Variants in ESR1 observed in about 807,000 individuals in gnomAD.
ESR1 encodes estrogen receptor 1, also known as estrogen receptor.
Under a neutral mutation model 52.7 loss-of-function variants are expected in ESR1, and 12 were observed. The observed-to-expected ratio is 0.23, with a 90% confidence interval of 0.15 to 0.37. The LOEUF (loss-of-function observed/expected upper bound fraction) is 0.37, where lower values mean the gene tolerates loss of function less well. ESR1 is among the 10% of genes least tolerant of loss of function. ESR1 has a pLI of 1.00. For missense variants in ESR1, 584 were observed against 779.7 expected, an observed-to-expected ratio of 0.75 and a Z score of 2.99; for synonymous variants, 305 against 316.8, an observed-to-expected ratio of 0.96 and a Z score of 0.39.
rs1462213872 is a variant in ESR1, at chr6:152,094,194, TCTGAGA to T, written c.1370-188_1370-183del. On this transcript the variant is annotated intron_variant, in intron 6 of 7. Transcript: ENST00000206249. This position sits in a 1 kb window ranked among gnomAD's most constrained non-coding sequence, Gnocchi z 4.6. ...GGAGCCCTCCTTGGTTTGCTGGTGC[TCTGAGA>T]CTTGCAAATGCATTAGGAATTTTAC... Among the ~76,000 whole-genome samples, 2 of 152,204 alleles carry T rather than the reference TCTGAGA, an allele frequency of 1.3e-5. No homozygotes were observed. The highest frequency in any genetic ancestry group is 4.8e-5 in the African/African-American group (2 of 41,454).
At chr6:152,030,916 A>G (rs1385801645) in intron 5 of ESR1, among the ~76,000 whole-genome samples, 2 of 152,230 alleles carry the variant, frequency 1.3e-5, no homozygotes, top group Non-Finnish European at 2.9e-5. Context: ...AATGTAAAAG[A>G]ACAGAAATTA....
rs1244572461 is a variant in ESR1, at chr6:151,807,876, G to A, written c.-37G>A. ...CCGGTTTCTGAGCCTTCTGCCCTGC[G>A]GGGACACGGTCTGCACCCTGCCCGC... is the stretch of plus-strand genomic sequence containing the variant. On this transcript the variant is annotated 5_prime_UTR_variant, in exon 1 of 8. Transcript: ENST00000206249. 2 of 1,587,988 alleles carry A rather than the reference G, an allele frequency of 1.3e-6. No individual in the cohort carries two copies. Among genetic ancestry groups the A allele is most frequent in the Admixed American group, 1.7e-5 (1 of 59,744 alleles).
At chr6:151,745,330 C>T (rs780726440) in intron 2 of ESR1, among the ~76,000 whole-genome samples, 9 of 152,064 alleles carry the variant, frequency 5.9e-5, no homozygotes, top group Non-Finnish European at 8.8e-5. Flanking sequence ...CATGGTATGG[C>T]TTTGGTTGCT....
At chr6:151,804,771 G>T (rs1210329988), upstream of ESR1, 1 of 152,188 alleles carries the variant, frequency 6.6e-6, no homozygotes, top group East Asian at 1.9e-4. Context: ...TATCCAAGGT[G>T]GTGACTAATG....
chr6:152,094,522 C>T lies in ESR1; in HGVS notation c.1507C>T (p.Arg503Trp), dbSNP rs1462811215. 1 of 1,614,136 alleles carries T rather than the reference C, an allele frequency of 6.2e-7. No individual in the cohort carries two copies. The highest frequency in any genetic ancestry group is 1.7e-5 in the Admixed American group (1 of 60,018). Residue 503 changes from arginine (R) to tryptophan (W), a missense_variant, in exon 7 of 8, where the codon CGG (arginine) becomes TGG (tryptophan). Physicochemically the swap from Arg to Trp is moderately radical, Grantham distance 101. This residue lies in a region of ESR1 where 141 missense variants were observed against 289.3 expected (regional missense o/e 0.49). Coordinates refer to ENST00000206249, the MANE Select transcript of ESR1 (RefSeq NM_000125.4). The surrounding 1 kb of genome is among the most constrained non-coding windows in gnomAD (Gnocchi z 4.6). ...CCTGACCCTGCAGCAGCAGCACCAG[C>T]GGCTGGCCCAGCTCCTCCTCATCCT... ...AGLTLQQQHQ[R>W]LAQLLLILSH...
chr6:152,089,808 A>C (rs1472754314), intron 6 of ESR1, among the ~76,000 whole-genome samples: 1 of 152,182 alleles, frequency 6.6e-6, no homozygotes, highest in Non-Finnish European at 1.5e-5. Context: ...TGAACTCCTC[A>C]TCTCAAGTGT....
At chr6:151,723,381 A>G (rs1429900089) in intron 2 of ESR1, among the ~76,000 whole-genome samples, 1 of 152,220 alleles carries the variant, frequency 6.6e-6, no homozygotes, top group Non-Finnish European at 1.5e-5. Context: ...CGTGGGTGAT[A>G]CAAGACTTGC....
At chr6:152,047,678 CTGATTT>C (rs2046331444) in intron 5 of ESR1, among the ~76,000 whole-genome samples, 1 of 152,174 alleles carries the variant, frequency 6.6e-6, no homozygotes, top group Non-Finnish European at 1.5e-5. Flanking sequence ...CCTGAAAGCC[CTGATTT>C]GGCCCCTAAG....
intron 3 of ESR1, among the ~76,000 whole-genome samples, chr6:151,940,217 A>G (rs927422000): frequency 5.9e-5 from 9 of 152,152 alleles, no homozygotes; most frequent in African/African-American, 1.4e-4. Flanking sequence ...CTTATTTACT[A>G]TCATGAGAAC....
chr6:152,096,558 G>A (rs1343252692), intron 7 of ESR1: 1 of 444,808 alleles, frequency 2.2e-6, no homozygotes, highest in Non-Finnish European at 4.6e-6. Context: ...AAAGAAATGA[G>A]GGAATGAATG....
At chr6:151,810,127 C>T (rs1303779083) in intron 1 of ESR1, among the ~76,000 whole-genome samples, 1 of 152,104 alleles carries the variant, frequency 6.6e-6, no homozygotes, top group African/African-American at 2.4e-5. Flanking sequence ...CAAAGTGAAC[C>T]TGGTCAAATA....
intron 5 of ESR1, among the ~76,000 whole-genome samples, chr6:152,051,765 A>T (rs1027417081): frequency 3.3e-5 from 5 of 152,184 alleles, no homozygotes; most frequent in Admixed American, 3.3e-4. Flanking sequence ...CTACCATAGC[A>T]TATTAAAATA....
intron 3 of ESR1, among the ~76,000 whole-genome samples, chr6:151,890,332 C>A (rs930830344): frequency 2.6e-5 from 4 of 152,094 alleles, no homozygotes; most frequent in Non-Finnish European, 5.9e-5. Flanking sequence ...AATGATCTGC[C>A]CACCTTAGCC....
intron 5 of ESR1, among the ~76,000 whole-genome samples, chr6:152,017,351 C>T (rs1389955737): frequency 6.6e-6 from 1 of 152,148 alleles, no homozygotes; most frequent in Non-Finnish European, 1.5e-5. Context: ...TCCAGTTCTT[C>T]TCTGTATCCT....
intron 6 of ESR1, among the ~76,000 whole-genome samples, chr6:152,082,820 T>C (rs2049343742): frequency 6.6e-6 from 1 of 151,902 alleles, no homozygotes; most frequent in Admixed American, 6.6e-5. Context: ...ACACCAATAA[T>C]AGACAAACAG....
chr6:151,871,074 C>A (rs1790862110), intron 2 of ESR1, among the ~76,000 whole-genome samples: 1 of 151,812 alleles, frequency 6.6e-6, no homozygotes, highest in African/African-American at 2.4e-5. Flanking sequence ...TGGTCTCAAA[C>A]TCCTGGATTC....
intron 5 of ESR1, among the ~76,000 whole-genome samples, chr6:152,024,522 T>C (rs1449960162): frequency 6.6e-6 from 1 of 151,660 alleles, no homozygotes; most frequent in Non-Finnish European, 1.5e-5. Context: ...GGGTGCCTTT[T>C]CATTTGTTAA....
chr6:151,992,440 C>T (rs1178496059), intron 4 of ESR1, among the ~76,000 whole-genome samples: 1 of 152,196 alleles, frequency 6.6e-6, no homozygotes, highest in African/African-American at 2.4e-5. Flanking sequence ...TTTCACTTGA[C>T]ATAATGTTTT....
At chr6:151,671,000 C>G (rs140309818) in intron 1 of ESR1, among the ~76,000 whole-genome samples, 2 of 151,860 alleles carry the variant, frequency 1.3e-5, no homozygotes, top group Non-Finnish European at 2.9e-5. Context: ...ACTCCTGGCC[C>G]CAAGTGATCT....
Sources: allele counts gnomAD v4.1 joint callset (sites outside exome capture counted in the v4.1 genomes callset), GRCh38; gene constraint gnomAD v4.1.1; regional missense constraint gnomAD v4.1.1; non-coding constraint Gnocchi (gnomAD v3.1); transcripts MANE v1.5; gene names NCBI Gene and HGNC (gene_info 2026-07-23, HGNC 2026-07-21).